Variants in KCNH7 observed in about 807,000 individuals in gnomAD.
KCNH7 encodes the protein voltage-gated inwardly rectifying potassium channel KCNH7.
KCNH7 carries 49 observed loss-of-function variants against 120.8 expected under a neutral mutation model. The observed-to-expected ratio is 0.41, with a 90% CI of 0.32 to 0.51. The LOEUF (loss-of-function observed/expected upper bound fraction) is 0.51. Ranked by LOEUF, KCNH7 falls within the 20% of genes least tolerant of loss-of-function variation. The pLI is 0.38. For missense variants in KCNH7, 1,097 were observed against 1,446.6 expected (o/e 0.76, Z 3.92); for synonymous variants, 547 against 516.1 (o/e 1.06, Z -0.81).
chr2:162,432,790 G>C (rs576313720), intron 8 of KCNH7, among the ~76,000 whole-genome samples: 16 of 152,080 alleles, frequency 1.1e-4, no homozygotes, highest in Non-Finnish European at 1.8e-4. Context: ...ATTCAACTTA[G>C]CACTGGAAGT....
chr2:162,388,786 A>G (rs1198618259), intron 12 of KCNH7, among the ~76,000 whole-genome samples: 2 of 151,992 alleles, frequency 1.3e-5, no homozygotes, highest in African/African-American at 2.4e-5. Context: ...TTGGATGGCA[A>G]TGGAAAATCA....
chr2:162,451,718 T>C (rs765457324), intron 6 of KCNH7, among the ~76,000 whole-genome samples: 8 of 152,028 alleles, frequency 5.3e-5, no homozygotes, highest in Non-Finnish European at 1.0e-4. Context: ...GTTTGATCAA[T>C]CAATAAATAA....
At chr2:162,785,180 T>C (rs908086810) in intron 2 of KCNH7, 1 of 152,244 alleles carries the variant, frequency 6.6e-6, no homozygotes, top group African/African-American at 2.4e-5. Context: ...ATTTCCAATT[T>C]AGTTTTAAGA....
intron 2 of KCNH7, among the ~76,000 whole-genome samples, chr2:162,753,179 T>C (rs866760188): frequency 5.3e-5 from 8 of 151,978 alleles, no homozygotes; most frequent in Middle Eastern, 3.4e-3. Context: ...ACTTGTTTGC[T>C]CATCGTGAGA....
At chr2:162,450,854 G>A (rs1227212001) in intron 6 of KCNH7, among the ~76,000 whole-genome samples, 1 of 152,000 alleles carries the variant, frequency 6.6e-6, no homozygotes. Flanking sequence ...TGGTATGCCA[G>A]GAGGGAAGTA....
In KCNH7 at chr2:162,638,604, A is replaced by T. The variant is rs1048353977; in HGVS notation, c.308-101524T>A. ...TCTAAGATCAAAAAATCAAAGTCGA[A>T]AGAAGCGTGATTAAATGTATTTGAT... On this transcript the variant is annotated intron_variant, in intron 2 of 15. Transcript: ENST00000332142. Among the ~76,000 whole-genome samples the T allele has an allele frequency of 2.0e-5, 3 of 152,138 alleles. No homozygotes were observed. In the South Asian group the frequency reaches 6.2e-4, roughly 31 times the overall value.
chr2:162,653,447 A>G (rs1684636553), intron 2 of KCNH7, among the ~76,000 whole-genome samples: 1 of 152,216 alleles, frequency 6.6e-6, no homozygotes, highest in Non-Finnish European at 1.5e-5. Context: ...TGAACTATCC[A>G]GAAAAGAAAT....
chr2:162,661,860 A>T (rs1054855881), intron 2 of KCNH7, among the ~76,000 whole-genome samples: 1 of 152,212 alleles, frequency 6.6e-6, no homozygotes, highest in Non-Finnish European at 1.5e-5. Flanking sequence ...CAGAGGTTAT[A>T]ACAGGTCCTG....
intron 6 of KCNH7, among the ~76,000 whole-genome samples, chr2:162,485,351 A>G (rs962579426): frequency 6.6e-6 from 1 of 152,180 alleles, no homozygotes; most frequent in Non-Finnish European, 1.5e-5. Context: ...TGTGATAATA[A>G]TCTTTCTCTT....
chr2:162,396,723 A>C lies in KCNH7; in HGVS notation c.2613+17T>G. 6.4e-7 allele frequency: 1 copy of C among 1,565,600 alleles called. No homozygotes were observed. Among genetic ancestry groups the C allele is most frequent in the Non-Finnish European group, 8.8e-7 (1 of 1,141,976 alleles). ...AAATGTCAGAAATACAGACATAAGC[A>C]AACAGTTAACATATACCTTTGCGCT... is the stretch of plus-strand genomic sequence containing the variant. On this transcript the variant is annotated intron_variant, in intron 11 of 15. Transcript: ENST00000332142.
At chr2:162,405,839 C>G (rs1026323362) in intron 9 of KCNH7, among the ~76,000 whole-genome samples, 1 of 151,910 alleles carries the variant, frequency 6.6e-6, no homozygotes. Context: ...AAGTTTAGCT[C>G]AGGCCTGTGA....
intron 9 of KCNH7, among the ~76,000 whole-genome samples, chr2:162,410,553 C>A (rs1687360851): frequency 6.6e-6 from 1 of 151,946 alleles, no homozygotes; most frequent in East Asian, 1.9e-4. Flanking sequence ...AAATTTATGA[C>A]TAAATCCCCA....
intron 11 of KCNH7, among the ~76,000 whole-genome samples, chr2:162,394,961 AGAT>A (rs1199705960): frequency 1.3e-5 from 2 of 151,976 alleles, no homozygotes; most frequent in South Asian, 2.1e-4. Flanking sequence ...TTAAATATGA[AGAT>A]GATGAGATGA....
chr2:162,388,076 C>G (rs1350471357), intron 12 of KCNH7, among the ~76,000 whole-genome samples: 1 of 151,622 alleles, frequency 6.6e-6, no homozygotes, highest in Non-Finnish European at 1.5e-5. Flanking sequence ...AAATTGGAGT[C>G]TAAAATAAAT....
At chr2:162,539,623 T>A (rs1251127191) in intron 2 of KCNH7, among the ~76,000 whole-genome samples, 1 of 152,026 alleles carries the variant, frequency 6.6e-6, no homozygotes, top group Non-Finnish European at 1.5e-5. Flanking sequence ...AATCATAAAA[T>A]TATAGTGCTT....
intron 2 of KCNH7, among the ~76,000 whole-genome samples, chr2:162,695,305 C>A (rs1160099897): frequency 2.0e-5 from 3 of 151,954 alleles, no homozygotes; most frequent in African/African-American, 7.3e-5. Flanking sequence ...TCAATAGTAA[C>A]CAGTTATTGG....
chr2:162,646,842 G>A (rs555510193), intron 2 of KCNH7, among the ~76,000 whole-genome samples: 1 of 152,290 alleles, frequency 6.6e-6, no homozygotes, highest in South Asian at 2.1e-4. Flanking sequence ...AAGGCTCCAG[G>A]AAAGAGCCCA....
intron 2 of KCNH7, among the ~76,000 whole-genome samples, chr2:162,678,472 TCTC>T (rs1685601566): frequency 6.6e-6 from 1 of 151,382 alleles, no homozygotes; most frequent in South Asian, 2.1e-4. Context: ...CTAATAAAAA[TCTC>T]CTCATGGTGA....
At chr2:162,522,823 A>G (rs1026979096) in intron 3 of KCNH7, among the ~76,000 whole-genome samples, 1 of 151,894 alleles carries the variant, frequency 6.6e-6, no homozygotes, top group African/African-American at 2.4e-5. Context: ...AAGAAGGCAT[A>G]TAGTTGTTAA....
Sources: gnomAD v4.1 joint callset for allele counts (sites outside exome capture counted in the v4.1 genomes callset) on GRCh38, gnomAD v4.1.1 for gene constraint, MANE v1.5 for transcripts, NCBI Gene and HGNC (gene_info 2026-07-23, HGNC 2026-07-21) for gene names.